Variants in PEBP4 observed in about 807,000 individuals in gnomAD.
The protein encoded by PEBP4 is phosphatidylethanolamine-binding protein 4.
PEBP4 carries 22 observed loss-of-function variants against 23.9 expected under a neutral mutation model. The ratio of observed to expected loss-of-function variants is 0.92; its 90% CI spans 0.66 to 1.31. PEBP4 has a LOEUF of 1.31. Among genes scored for constraint, PEBP4 ranks in the 40% most tolerant of loss-of-function variants. The pLI is 0.00. For missense variants in PEBP4, 324 were observed against 281.7 expected, an observed-to-expected ratio of 1.15 and a Z score of -1.07; for synonymous variants, 112 against 99.3, an observed-to-expected ratio of 1.13 and a Z score of -0.76.
rs568327422 is a variant in PEBP4 at position 22,918,135 on chromosome 8, G to A, written c.258+2049C>T. Among the ~76,000 whole-genome samples, 7 of 152,310 alleles carry A rather than the reference G, an allele frequency of 4.6e-5. No individual in the cohort carries two copies. The South Asian group carries it at 8.3e-4, about 18-fold the overall frequency. On this transcript the variant is annotated intron_variant, in intron 3 of 6. Transcript: ENST00000256404. ...ACTTGGAGACTTAAATGAAAGGTCC[G>A]AGTAGTGCCCAGGAATGGAATAAGG...
chr8:22,732,072 C>T (rs1804749596), intron 4 of PEBP4, among the ~76,000 whole-genome samples: 1 of 151,942 alleles, frequency 6.6e-6, no homozygotes. Context: ...GCTGAAAAGC[C>T]CAGGATGGGT....
At chr8:22,723,871 T>C (rs565125252) in intron 6 of PEBP4, among the ~76,000 whole-genome samples, 27 of 152,152 alleles carry the variant, frequency 1.8e-4, no homozygotes, top group Non-Finnish European at 1.0e-4. Context: ...GGGCTCCATG[T>C]TCCTCTCCTG....
chr8:22,795,339 C>G (rs942515091), intron 4 of PEBP4, among the ~76,000 whole-genome samples: 1 of 151,262 alleles, frequency 6.6e-6, no homozygotes, highest in Non-Finnish European at 1.5e-5. Flanking sequence ...CCACTCCGGG[C>G]TAATTTTTTA....
intron 4 of PEBP4, among the ~76,000 whole-genome samples, chr8:22,812,515 C>T (rs927287369): frequency 5.9e-5 from 9 of 152,202 alleles, no homozygotes; most frequent in African/African-American, 2.2e-4. Context: ...TGTTAGGAAG[C>T]CTAAGTCACG....
At chr8:22,727,320 GGAGAGGA>G (rs1804638993) in intron 4 of PEBP4, 100 bp from the exon 5 acceptor site, 1 of 1,102,734 alleles carries the variant, frequency 9.1e-7, no homozygotes, top group African/African-American at 1.9e-5. Context: ...GAGGAGGATG[GGAGAGGA>G]AGGAGGATGG....
intron 6 of PEBP4, among the ~76,000 whole-genome samples, chr8:22,722,859 G>A (rs978920254): frequency 6.6e-6 from 1 of 151,290 alleles, no homozygotes; most frequent in Non-Finnish European, 1.5e-5. Context: ...TACAAGCTCC[G>A]CCTCCCAGGT....
At chr8:22,908,981 C>A (rs983110261) in intron 3 of PEBP4, among the ~76,000 whole-genome samples, 4 of 152,168 alleles carry the variant, frequency 2.6e-5, no homozygotes, top group African/African-American at 9.7e-5. Flanking sequence ...TTTCCACAAC[C>A]AAGTGGCAAA....
intron 3 of PEBP4, among the ~76,000 whole-genome samples, chr8:22,909,851 T>C (rs902011003): frequency 6.6e-6 from 1 of 152,186 alleles, no homozygotes; most frequent in African/African-American, 2.4e-5. Context: ...GTTCATAAAG[T>C]GCTTAGCACA....
intron 3 of PEBP4, among the ~76,000 whole-genome samples, chr8:22,898,575 C>A (rs1046771745): frequency 6.6e-6 from 1 of 152,046 alleles, no homozygotes; most frequent in Non-Finnish European, 1.5e-5. Context: ...CTCTGGTTTG[C>A]GGTAAGTTTA....
intron 3 of PEBP4, among the ~76,000 whole-genome samples, chr8:22,828,921 C>A (rs542076258): frequency 1.3e-5 from 2 of 152,100 alleles, no homozygotes; most frequent in East Asian, 3.9e-4. Context: ...ATCCCCCAAA[C>A]GGCTCCACCT....
At chr8:22,782,462 G>C (rs373336740) in intron 4 of PEBP4, among the ~76,000 whole-genome samples, 2 of 152,118 alleles carry the variant, frequency 1.3e-5, no homozygotes, top group Non-Finnish European at 2.9e-5. Context: ...GAAAATACCC[G>C]ACCCATCCAT....
At chr8:22,898,093 G>A (rs886670704) in intron 3 of PEBP4, among the ~76,000 whole-genome samples, 7 of 152,208 alleles carry the variant, frequency 4.6e-5, no homozygotes, top group African/African-American at 1.7e-4. Context: ...AATGTCTGTT[G>A]TTAATGCCAC....
chr8:22,817,604 A>G (rs964905843), intron 4 of PEBP4, 33 bp downstream of exon 4: 2 of 1,580,866 alleles, frequency 1.3e-6, no homozygotes, highest in Middle Eastern at 1.7e-4. Context: ...TACAACCCCA[A>G]ATGCGTCAGA....
chr8:22,939,608 C>T (rs755761090), intron 1 of PEBP4, among the ~76,000 whole-genome samples: 6 of 151,718 alleles, frequency 4.0e-5, no homozygotes, highest in Non-Finnish European at 8.8e-5. Flanking sequence ...GGTATCTGCA[C>T]TTGCTGTTGT....
chr8:22,933,467 G>A (rs548395875), intron 1 of PEBP4, among the ~76,000 whole-genome samples: 4 of 152,336 alleles, frequency 2.6e-5, no homozygotes, highest in Admixed American at 6.5e-5. Context: ...AAAATTATCA[G>A]CCAATTTATC....
At chr8:22,735,023 C>CAAAA (rs1804829081) in intron 4 of PEBP4, among the ~76,000 whole-genome samples, 2 of 152,196 alleles carry the variant, frequency 1.3e-5, no homozygotes, top group African/African-American at 4.8e-5. Context: ...AAATGTCACA[C>CAAAA]CGTCTTGCAG....
At chr8:22,794,899 A>G (rs1585276400) in intron 4 of PEBP4, among the ~76,000 whole-genome samples, 1 of 151,996 alleles carries the variant, frequency 6.6e-6, no homozygotes, top group East Asian at 1.9e-4. Flanking sequence ...TACTTTGATT[A>G]TGGTCTGATA....
At chr8:22,878,756 C>T (rs1440380780) in intron 3 of PEBP4, among the ~76,000 whole-genome samples, 1 of 152,192 alleles carries the variant, frequency 6.6e-6, no homozygotes, top group Non-Finnish European at 1.5e-5. Context: ...GAACAGAGAG[C>T]AAACTGGATG....
chr8:22,749,444 G>A (rs1226399433), intron 4 of PEBP4, among the ~76,000 whole-genome samples: 1 of 152,240 alleles, frequency 6.6e-6, no homozygotes, highest in Non-Finnish European at 1.5e-5. Flanking sequence ...TAGAGCTGGA[G>A]AGCCATGCCC....
Sources: allele counts gnomAD v4.1 joint callset (sites outside exome capture counted in the v4.1 genomes callset), GRCh38; gene constraint gnomAD v4.1.1; transcripts MANE v1.5; gene names NCBI Gene and HGNC (gene_info 2026-07-23, HGNC 2026-07-21).